The following STAU1 variants were observed in gnomAD, a reference collection of about 807,000 sequenced individuals.
STAU1 encodes the protein double-stranded RNA-binding protein Staufen homolog 1.
In STAU1, 13 loss-of-function variants were observed where a neutral mutation model predicts 62.9. The ratio of observed to expected loss-of-function variants is 0.21; its 90% CI spans 0.13 to 0.33. The LOEUF (loss-of-function observed/expected upper bound fraction) is 0.33, where lower values mean the gene tolerates loss of function less well. STAU1 is among the 10% of genes least tolerant of loss of function. The probability of loss-of-function intolerance (pLI) is 1.00; values close to 1 mark genes in which losing one functional copy is unlikely to be tolerated. For missense variants in STAU1, 571 were observed against 712.1 expected, an observed-to-expected ratio of 0.80 and a Z score of 2.25; for synonymous variants, 269 against 265.1, an observed-to-expected ratio of 1.01 and a Z score of -0.14.
upstream of STAU1, among the ~76,000 whole-genome samples, chr20:49,192,747 G>A (rs758355402): frequency 3.3e-5 from 5 of 152,136 alleles, no homozygotes; most frequent in Admixed American, 6.6e-5. Context: ...GCTGCAGTGA[G>A]CTGTGATTGC....
At chr20:49,145,481 C>T (rs145627579) in intron 5 of STAU1, among the ~76,000 whole-genome samples, 1,692 of 141,764 alleles carry the variant, frequency 0.012, 37 homozygotes, top group African/African-American at 0.041. Flanking sequence ...GTCTGTAATC[C>T]CAGCACTTTG....
intron 6 of STAU1, among the ~76,000 whole-genome samples, chr20:49,125,574 C>T (rs545473209): frequency 9.8e-4 from 145 of 148,054 alleles, no homozygotes; most frequent in African/African-American, 3.1e-3. Flanking sequence ...GGGCCAGGCG[C>T]GGTGGCTCAC....
chr20:49,194,217 T>C, the STAU1 span, among the ~76,000 whole-genome samples: 1 of 151,520 alleles, frequency 6.6e-6, no homozygotes, highest in East Asian at 1.9e-4. Flanking sequence ...TCACCTGAGA[T>C]TGGGACTTGA....
chr20:49,172,757 T>C (rs2093612929), intron 2 of STAU1, among the ~76,000 whole-genome samples: 1 of 152,194 alleles, frequency 6.6e-6, no homozygotes. Context: ...CTCCCAGCTC[T>C]TGGCAATCCA....
the STAU1 span, among the ~76,000 whole-genome samples, chr20:49,208,622 C>CTTT: frequency 7.1e-6 from 1 of 140,412 alleles, no homozygotes; most frequent in Admixed American, 7.3e-5. Flanking sequence ...GAGATCCTGT[C>CTTT]TTTTTTTTTT....
the STAU1 span, among the ~76,000 whole-genome samples, chr20:49,201,270 G>A: frequency 6.6e-6 from 1 of 152,010 alleles, no homozygotes; most frequent in South Asian, 2.1e-4. Flanking sequence ...AAGGATGTCT[G>A]AGGATACGAG....
intron 2 of STAU1, among the ~76,000 whole-genome samples, chr20:49,173,035 G>C (rs931443953): frequency 4.0e-5 from 6 of 151,582 alleles, no homozygotes; most frequent in Non-Finnish European, 7.4e-5. Context: ...TAGTAAAGAC[G>C]GGGTTTCACC....
In STAU1 at chr20:49,117,895, G is replaced by A. The variant is rs1182984077; in HGVS notation, c.1391C>T (p.Thr464Ile). 3.1e-6 allele frequency: 5 copies of A among 1,614,066 alleles called. No homozygotes were observed. In the South Asian group the frequency reaches 4.4e-5, roughly 14 times the overall value. ...MIARELLYGGTSPTAETILKN... is the reference protein window; with the variant it reads ...MIARELLYGGISPTAETILKN... ...TAAAATGGTCTCGGCTGTGGGCGAG[G>A]TGCCCCCATACAACAACTCTCGGGC... Residue 464 changes from threonine to isoleucine, a missense_variant, in exon 11 of 14, where the codon ACC (threonine) becomes ATC (isoleucine). Physicochemically the swap from Thr to Ile is moderately conservative, Grantham distance 89 (BLOSUM62 -1). Around this residue, in one of 3 missense-constraint regions of STAU1, gnomAD observed 156 missense variants for 194.7 expected, o/e 0.80. Transcript: ENST00000371856. The surrounding 1 kb of genome is among the most constrained non-coding windows in gnomAD (Gnocchi z 4.6).
the STAU1 span, among the ~76,000 whole-genome samples, chr20:49,211,480 C>T: frequency 1.3e-5 from 2 of 151,688 alleles, no homozygotes; most frequent in African/African-American, 4.8e-5. Flanking sequence ...CTCCTCTCCT[C>T]AAGTGATCCT....
the STAU1 span, among the ~76,000 whole-genome samples, chr20:49,207,036 C>G: frequency 2.6e-5 from 4 of 151,610 alleles, no homozygotes; most frequent in East Asian, 3.9e-4. Flanking sequence ...TTACAGGCGT[C>G]AGCCACCTCG....
chr20:49,148,072 C>G (rs2093165979), intron 5 of STAU1, among the ~76,000 whole-genome samples: 1 of 152,118 alleles, frequency 6.6e-6, no homozygotes, highest in African/African-American at 2.4e-5. Context: ...TCTTTTAAAA[C>G]TGTCTCTCTT....
At chr20:49,137,274 C>T (rs150087327) in intron 5 of STAU1, among the ~76,000 whole-genome samples, 88 of 152,290 alleles carry the variant, frequency 5.8e-4, no homozygotes, top group African/African-American at 2.0e-3. Flanking sequence ...ATACAAGGCG[C>T]AAACTAATAA....
intron 12 of STAU1, among the ~76,000 whole-genome samples, chr20:49,116,816 T>C (rs2092337841): frequency 6.6e-6 from 1 of 152,166 alleles, no homozygotes; most frequent in African/African-American, 2.4e-5. Flanking sequence ...CAATTCCTTG[T>C]TCTGGTGAGA....
At chr20:49,217,693 ATT>A in the STAU1 span, among the ~76,000 whole-genome samples, 1 of 143,884 alleles carries the variant, frequency 7.0e-6, no homozygotes, top group Admixed American at 7.0e-5. Context: ...ATATATATAT[ATT>A]TTTAGGCCAG....
chr20:49,186,080 G>A (rs986998787), intron 1 of STAU1, among the ~76,000 whole-genome samples: 4 of 152,024 alleles, frequency 2.6e-5, no homozygotes, highest in Non-Finnish European at 5.9e-5. Flanking sequence ...GATTACAGGC[G>A]TGAGCCACCG....
intron 5 of STAU1, among the ~76,000 whole-genome samples, chr20:49,147,768 G>C (rs2093159619): frequency 6.6e-6 from 1 of 152,220 alleles, no homozygotes; most frequent in African/African-American, 2.4e-5. Context: ...CCATTAGAAA[G>C]TGCTTAGGTG....
chr20:49,120,590 T>A (rs1044212835), intron 8 of STAU1, among the ~76,000 whole-genome samples: 1 of 152,200 alleles, frequency 6.6e-6, no homozygotes, highest in African/African-American at 2.4e-5. Flanking sequence ...AAGCTGTTTA[T>A]TGTCTAACTC....
At chr20:49,161,999 T>G (rs1193940318) in intron 3 of STAU1, among the ~76,000 whole-genome samples, 1 of 152,136 alleles carries the variant, frequency 6.6e-6, no homozygotes, top group Non-Finnish European at 1.5e-5. Flanking sequence ...CCAACTGGAA[T>G]ACAAGGTCTT....
chr20:49,131,870 G>A (rs947820344), intron 6 of STAU1, among the ~76,000 whole-genome samples: 2 of 150,990 alleles, frequency 1.3e-5, no homozygotes, highest in African/African-American at 4.9e-5. Flanking sequence ...AAGGAAGGAA[G>A]GAGCAAGCAA....
Sources: allele counts gnomAD v4.1 joint callset (sites outside exome capture counted in the v4.1 genomes callset), GRCh38; gene constraint gnomAD v4.1.1; regional missense constraint gnomAD v4.1.1; non-coding constraint Gnocchi (gnomAD v3.1); transcripts MANE v1.5; gene names NCBI Gene and HGNC (gene_info 2026-07-23, HGNC 2026-07-21).